Variants in LOC400499 observed in about 807,000 individuals in gnomAD.
chr16:11,444,118 T>G, the LOC400499 span, among the ~76,000 whole-genome samples: 14 of 152,178 alleles, frequency 9.2e-5, no homozygotes, highest in South Asian at 2.7e-3. Flanking sequence ...TGGGATTACA[T>G]GTGTGAGCCA....
At chr16:11,464,374 G>T in the LOC400499 span, among the ~76,000 whole-genome samples, 3 of 152,250 alleles carry the variant, frequency 2.0e-5, no homozygotes, top group Non-Finnish European at 4.4e-5. Flanking sequence ...AGGTGCACAT[G>T]AACAGGGTGA....
chr16:11,512,748 G>GA, the LOC400499 span, among the ~76,000 whole-genome samples: 18 of 151,286 alleles, frequency 1.2e-4, no homozygotes, highest in South Asian at 8.4e-4. Context: ...TAAAAAGGAG[G>GA]AAAAAAAAAG....
At chr16:11,480,540 T>C in the LOC400499 span, among the ~76,000 whole-genome samples, 1 of 152,208 alleles carries the variant, frequency 6.6e-6, no homozygotes, top group African/African-American at 2.4e-5. Context: ...AATGGTTATG[T>C]AAACTGTGGT....
At chr16:11,448,295 AAAG>A in the LOC400499 span, among the ~76,000 whole-genome samples, 1 of 152,166 alleles carries the variant, frequency 6.6e-6, no homozygotes, top group Non-Finnish European at 1.5e-5. Flanking sequence ...TACCCGGGGG[AAAG>A]AAGAACTTGG....
chr16:11,487,631 C>T, the LOC400499 span, among the ~76,000 whole-genome samples: 1 of 152,188 alleles, frequency 6.6e-6, no homozygotes, highest in Non-Finnish European at 1.5e-5. Flanking sequence ...GACCCCCAAC[C>T]CCAGGCTTCC....
At chr16:11,372,992 C>G in the LOC400499 span, among the ~76,000 whole-genome samples, 2 of 152,232 alleles carry the variant, frequency 1.3e-5, no homozygotes, top group African/African-American at 4.8e-5. Flanking sequence ...GGAAATTGAA[C>G]AAGCATCTGT....
the LOC400499 span, chr16:11,469,816 C>T: frequency 1.8e-5 from 7 of 396,314 alleles, no homozygotes; most frequent in Admixed American, 4.4e-5. Flanking sequence ...AGCCCAGGAC[C>T]ATGTCCACAG....
At chr16:11,506,037 TTTTA>T in the LOC400499 span, among the ~76,000 whole-genome samples, 3 of 152,218 alleles carry the variant, frequency 2.0e-5, no homozygotes, top group South Asian at 6.2e-4. Context: ...ATTTATTTTA[TTTTA>T]TTTATTTATT....
At chr16:11,513,688 C>T in the LOC400499 span, among the ~76,000 whole-genome samples, 440 of 152,192 alleles carry the variant, frequency 2.9e-3, 2 homozygotes, top group Non-Finnish European at 5.3e-3. Flanking sequence ...ACCTCGGCCT[C>T]CCAAACCGCT....
the LOC400499 span, among the ~76,000 whole-genome samples, chr16:11,408,203 G>A: frequency 5.3e-5 from 8 of 151,990 alleles, no homozygotes; most frequent in African/African-American, 1.5e-4. Flanking sequence ...GGCCAGTCTC[G>A]AACTCCTGAC....
the LOC400499 span, chr16:11,450,572 G>A: frequency 2.6e-6 from 4 of 1,524,994 alleles, no homozygotes; most frequent in East Asian, 4.9e-5. Flanking sequence ...TCAGTGGCAG[G>A]GGACCAGACA....
At chr16:11,380,074 A>G in the LOC400499 span, among the ~76,000 whole-genome samples, 1 of 152,188 alleles carries the variant, frequency 6.6e-6, no homozygotes, top group African/African-American at 2.4e-5. Flanking sequence ...CCTTCGGAGT[A>G]GCTGAGACTA....
At chr16:11,419,442 A>G in the LOC400499 span, among the ~76,000 whole-genome samples, 1 of 151,518 alleles carries the variant, frequency 6.6e-6, no homozygotes, top group African/African-American at 2.4e-5. Context: ...CTTATACAAA[A>G]ATTAATTCAA....
chr16:11,437,746 G>A, the LOC400499 span, among the ~76,000 whole-genome samples: 1 of 152,148 alleles, frequency 6.6e-6, no homozygotes, highest in African/African-American at 2.4e-5. Context: ...GCGCATGCCT[G>A]TAATCCCAGC....
the LOC400499 span, among the ~76,000 whole-genome samples, chr16:11,445,910 T>C: frequency 6.8e-5 from 10 of 146,560 alleles, no homozygotes; most frequent in African/African-American, 1.5e-4. Context: ...CTCAGCTCAC[T>C]GTAACCTCTG....
At chr16:11,441,317 T>C in the LOC400499 span, among the ~76,000 whole-genome samples, 4 of 152,224 alleles carry the variant, frequency 2.6e-5, no homozygotes, top group Non-Finnish European at 5.9e-5. Context: ...TGTGAATGTG[T>C]CTTGCTCAAA....
At chr16:11,516,175 G>A in the LOC400499 span, 2 of 399,814 alleles carry the variant, frequency 5.0e-6, no homozygotes, top group Non-Finnish European at 8.8e-6. Context: ...GGGCCCCTGG[G>A]TGGCCCTGCA....
chr16:11,476,733 G>C, the LOC400499 span: 9 of 399,362 alleles, frequency 2.3e-5, no homozygotes, highest in Admixed American at 4.4e-5. Flanking sequence ...TCGTGCTCAT[G>C]GTTCCCTTCC....
At chr16:11,405,936 C>T in the LOC400499 span, among the ~76,000 whole-genome samples, 1 of 152,212 alleles carries the variant, frequency 6.6e-6, no homozygotes, top group African/African-American at 2.4e-5. Context: ...CCAGTGGCTC[C>T]TTGGCCATTC....
Sources: gnomAD v4.1 joint callset for allele counts (sites outside exome capture counted in the v4.1 genomes callset) on GRCh38, gnomAD v4.1.1 for gene constraint, MANE v1.5 for transcripts.